The following GANC variants were observed in gnomAD, a reference collection of about 807,000 sequenced individuals.
The protein encoded by GANC is neutral alpha-glucosidase C.
A neutral mutation model predicts 124.2 loss-of-function variants in GANC; 117 were observed. The observed-to-expected ratio is 0.94, with a 90% CI of 0.81 to 1.10. The LOEUF is 1.10. GANC is among the 50% of genes least tolerant of loss of function. GANC has a pLI of 0.00. For missense variants in GANC, 1,140 were observed against 1,095.0 expected (o/e 1.04, Z -0.58); for synonymous variants, 377 against 376.8 (o/e 1.00, Z -0.01).
At chr15:42,280,788 A>G in intron 3 of GANC, 2 of 607,916 alleles carry the variant, frequency 3.3e-6, no homozygotes, top group Non-Finnish European at 5.8e-6. Flanking sequence ...ATCAGTGGTG[A>G]GCCGAAATGA....
At position 42,292,732 on chromosome 15, in the gene GANC, T is replaced by C; in HGVS notation, c.330-3T>C. 1 of 1,612,696 alleles carries C rather than the reference T, an allele frequency of 6.2e-7. No individual in the cohort carries two copies. Among genetic ancestry groups the C allele is most frequent in the Non-Finnish European group, 8.5e-7 (1 of 1,179,008 alleles). ...GTTTCTCTCTTCCTGTTTTGTTTTC[T>C]AGGCTGATTTCATGCTCTGGGGACA... On this transcript the variant is annotated splice_region_variant and splice_polypyrimidine_tract_variant and intron_variant, in intron 4 of 23. Transcript: ENST00000318010.
At position 42,273,307 on chromosome 15, in the gene GANC, G is replaced by A. The variant is rs202174333; in HGVS notation, c.-1175G>A. The A allele has an allele frequency of 3.1e-6, 5 of 1,614,092 alleles. No individual in the cohort carries two copies. In the Admixed American group the frequency reaches 5.0e-5, roughly 16 times the overall value. ...CCGGTCGGCAGCAGCTACGGTTGCC[G>A]GTCCCGCACTGAAAAACGACAGTGG... is the stretch of plus-strand genomic sequence containing the variant. On this transcript the variant is annotated 5_prime_UTR_variant, in exon 1 of 24. Transcript: ENST00000318010.
At chr15:42,348,951 A>G (rs1246227462) in intron 21 of GANC, among the ~76,000 whole-genome samples, 1 of 152,234 alleles carries the variant, frequency 6.6e-6, no homozygotes, top group Non-Finnish European at 1.5e-5. Context: ...CCTACTAAAA[A>G]TAAAAATAAA....
At chr15:42,327,077 C>T (rs898402383) in intron 12 of GANC, among the ~76,000 whole-genome samples, 1 of 152,146 alleles carries the variant, frequency 6.6e-6, no homozygotes, top group African/African-American at 2.4e-5. Context: ...GGATATTTGC[C>T]ATCCTTCCTT....
chr15:42,330,520 G>T, intron 14 of GANC, 56 bp from the exon 15 acceptor site: 1 of 1,213,214 alleles, frequency 8.2e-7, no homozygotes, highest in Non-Finnish European at 1.2e-6. Context: ...AGCTTATTGG[G>T]GATGTCTGTA....
chr15:42,324,422 C>T (rs1386140501), intron 11 of GANC, among the ~76,000 whole-genome samples: 1 of 152,092 alleles, frequency 6.6e-6, no homozygotes, highest in East Asian at 1.9e-4. Context: ...CCAGCAATTC[C>T]ACTTGTGGGT....
intron 16 of GANC, among the ~76,000 whole-genome samples, 188 bp from the exon 17 acceptor site, chr15:42,339,481 A>G (rs557516781): frequency 1.3e-5 from 2 of 152,278 alleles, no homozygotes; most frequent in African/African-American, 2.4e-5. Flanking sequence ...CTAAGAGCCC[A>G]TTGTCAGATC....
At chr15:42,287,546 AG>A in intron 3 of GANC, 144 bp from the exon 4 acceptor site, 1 of 721,796 alleles carries the variant, frequency 1.4e-6, no homozygotes, top group South Asian at 2.0e-5. Flanking sequence ...TAAACTGGGG[AG>A]CTTTTTTTTT....
chr15:42,319,490 A>G (rs1403857536), intron 10 of GANC, among the ~76,000 whole-genome samples: 1 of 149,186 alleles, frequency 6.7e-6, no homozygotes, highest in African/African-American at 2.5e-5. Flanking sequence ...GACTGTGGGC[A>G]TGTGCTACAT....
At chr15:42,314,143 A>T in intron 10 of GANC, 1 of 759,920 alleles carries the variant, frequency 1.3e-6, no homozygotes, top group South Asian at 1.4e-5. Flanking sequence ...AGTTGAAAGC[A>T]TCTTGAAGAA....
chr15:42,327,408 G>T lies in GANC; in HGVS notation c.1466G>T (p.Trp489Leu). 1 of 1,613,378 alleles carries T rather than the reference G, an allele frequency of 6.2e-7. No individual in the cohort carries two copies. The highest frequency in any genetic ancestry group is 8.5e-7 in the Non-Finnish European group (1 of 1,179,592). The change falls in exon 13 of 24, where the codon TGG becomes TTG. Residue 489 changes from tryptophan to leucine, a missense_variant. Coordinates refer to ENST00000318010, the MANE Select transcript of GANC (RefSeq NM_198141.3). ...TTCACCAATCCCAAGGTCAGAGAGT[G>T]GTATTCAAGTCTTTTTGCTTTCCCT... ...LDFTNPKVREWYSSLFAFPVY... is the reference protein window; with the variant it reads ...LDFTNPKVRELYSSLFAFPVY...
chr15:42,334,745 G>T (rs1335317726), intron 15 of GANC, among the ~76,000 whole-genome samples: 1 of 70,206 alleles, frequency 1.4e-5, no homozygotes, highest in Non-Finnish European at 4.0e-5. Context: ...TACTTTAAGA[G>T]TTGGTTTTCT....
intron 2 of GANC, 22 bp downstream of exon 2, chr15:42,276,432 G>A (rs8023678): frequency 0.98 from 1,103,008 of 1,126,652 alleles, 541,703 homozygotes; most frequent in Non-Finnish European, 1. Flanking sequence ...AAATATAGTA[G>A]CTAGATCAAA....
intron 2 of GANC, chr15:42,278,109 G>GATT (rs2051694313): frequency 6.1e-6 from 2 of 325,612 alleles, no homozygotes; most frequent in South Asian, 4.6e-5. Flanking sequence ...TAAACCACTA[G>GATT]ATTATATTTA....
chr15:42,283,919 ATTC>A (rs1566949366), intron 3 of GANC: 3 of 702,642 alleles, frequency 4.3e-6, no homozygotes, highest in Non-Finnish European at 7.8e-6. Context: ...GGTTGCCAGT[ATTC>A]TTTGTAGAAA....
chr15:42,312,364 C>G (rs1415897483), intron 10 of GANC, among the ~76,000 whole-genome samples: 2 of 152,152 alleles, frequency 1.3e-5, no homozygotes, highest in East Asian at 3.9e-4. Flanking sequence ...TCGTACTGTT[C>G]TCGTGATAGT....
chr15:42,330,770 C>CTTTTTTT (rs71108160), intron 15 of GANC, 98 bp downstream of exon 15: 79 of 361,016 alleles, frequency 2.2e-4, no homozygotes, highest in Middle Eastern at 7.8e-4. Context: ...CTTCCTTTTC[C>CTTTTTTT]TTTTTTTTTT....
At chr15:42,288,629 ATATC>A (rs1254479529) in intron 4 of GANC, among the ~76,000 whole-genome samples, 1 of 152,236 alleles carries the variant, frequency 6.6e-6, no homozygotes, top group Non-Finnish European at 1.5e-5. Flanking sequence ...AGTTTAAAAT[ATATC>A]TATTCACTGA....
chr15:42,273,283 C>A lies in GANC; in HGVS notation c.-1199C>A, dbSNP rs1282790913. 1.9e-6 allele frequency: 3 copies of A among 1,613,980 alleles called. No individual in the cohort carries two copies. Among genetic ancestry groups the A allele is most frequent in the Non-Finnish European group, 2.5e-6 (3 of 1,180,036 alleles). Reference sequence around the variant, plus strand: ...CGGTATCGGAATGTGCCATTTGGACCGGTCGGCAGCAGCTACGGTTGCCGG... The same window carrying A: ...CGGTATCGGAATGTGCCATTTGGACAGGTCGGCAGCAGCTACGGTTGCCGG... On this transcript the variant is annotated 5_prime_UTR_variant, in exon 1 of 24. Transcript: ENST00000318010.
Sources: allele counts gnomAD v4.1 joint callset (sites outside exome capture counted in the v4.1 genomes callset), GRCh38; gene constraint gnomAD v4.1.1; transcripts MANE v1.5; gene names NCBI Gene and HGNC (gene_info 2026-07-23, HGNC 2026-07-21).